The following HNRNPAB variants were observed in gnomAD, a reference collection of about 807,000 sequenced individuals.
HNRNPAB encodes the protein ABBP-1.
HNRNPAB carries 17 observed loss-of-function variants against 44.1 expected under a neutral mutation model. The observed-to-expected ratio is 0.39, with a 90% CI of 0.26 to 0.58. HNRNPAB has a LOEUF of 0.58. HNRNPAB is among the 20% of genes least tolerant of loss of function. The pLI is 0.63. For missense variants in HNRNPAB, 393 were observed against 432.7 expected, an observed-to-expected ratio of 0.91 and a Z score of 0.81; for synonymous variants, 183 against 167.6, an observed-to-expected ratio of 1.09 and a Z score of -0.71.
chr5:178,209,278 C>T, intron 5 of HNRNPAB, 52 bp from the exon 6 acceptor site: 2 of 1,407,764 alleles, frequency 1.4e-6, no homozygotes, highest in Non-Finnish European at 2.0e-6. Context: ...TTTGGGCAGT[C>T]ACTGCCCTGA....
chr5:178,205,049 A>G lies in HNRNPAB; in HGVS notation c.209+3A>G. ...AGCAAGAACGAGGAGGACGCGGGGTAGGTGCGGCCGCGGGCGGACGGGGGC... is the reference window on the plus strand; with the variant it reads ...AGCAAGAACGAGGAGGACGCGGGGTGGGTGCGGCCGCGGGCGGACGGGGGC... On this transcript the variant is annotated splice_donor_region_variant and intron_variant, in intron 2 of 7. Coordinates refer to ENST00000358344, the MANE Select transcript of HNRNPAB (RefSeq NM_031266.3). 8.3e-7 allele frequency: 1 copy of G among 1,203,600 alleles called. No individual in the cohort carries two copies. The highest frequency in any genetic ancestry group is 1.0e-6 in the Non-Finnish European group (1 of 969,864). 74.6% of individuals were successfully genotyped at this position (1,203,600 alleles called of 1,614,324 possible).
rs770979546 is a variant in HNRNPAB at position 178,209,458 on chromosome 5, C to T, written c.787+11C>T. Reference sequence around the variant, plus strand: ...GTGGTGGAGGTGGAGGTGAGTGGAACGTGGATGAAGATAGGTCCTGTTTCC... The same window carrying T: ...GTGGTGGAGGTGGAGGTGAGTGGAATGTGGATGAAGATAGGTCCTGTTTCC... On this transcript the variant is annotated intron_variant, in intron 6 of 7. Transcript: ENST00000358344. 2.4e-5 allele frequency: 39 copies of T among 1,609,112 alleles called. No individual in the cohort carries two copies. Among genetic ancestry groups the T allele is most frequent in the African/African-American group, 4.0e-5 (3 of 74,822 alleles).
chr5:178,208,381 A>C (rs1247032843), intron 5 of HNRNPAB: 1 of 152,210 alleles, frequency 6.6e-6, no homozygotes, highest in East Asian at 1.9e-4. Context: ...ACTCCAGTGG[A>C]CAGTGATAGA....
intron 7 of HNRNPAB, 101 bp from the exon 8 acceptor site, chr5:178,210,452 G>A: frequency 1.3e-6 from 2 of 1,485,704 alleles, no homozygotes; most frequent in Admixed American, 1.8e-5. Flanking sequence ...GGCAGTCTCT[G>A]CTGTCACGGC....
Position 178,205,788 on chromosome 5 carries a change from A to G in HNRNPAB, c.210-54A>G, listed in dbSNP as rs916090280. The G allele has an allele frequency of 4.4e-6, 7 of 1,574,908 alleles. No individual in the cohort carries two copies. The African/African-American group carries it at 8.1e-5, about 18-fold the overall frequency. ...CTTTGCCAGGGCCAGTCCTTTCCAAAATCACAGCTTGCTTACAAGACTTGT... is the reference window on the plus strand; with the variant it reads ...CTTTGCCAGGGCCAGTCCTTTCCAAGATCACAGCTTGCTTACAAGACTTGT... On this transcript the variant is annotated intron_variant, in intron 2 of 7. Transcript: ENST00000358344.
intron 3 of HNRNPAB, among the ~76,000 whole-genome samples, 169 bp from the exon 4 acceptor site, chr5:178,206,563 A>T (rs1162291537): frequency 6.6e-6 from 1 of 152,226 alleles, no homozygotes. Flanking sequence ...GAGGTAAACC[A>T]GCTGTACTTG....
In HNRNPAB at chr5:178,209,434, TGGTGGA is replaced by T; in HGVS notation, c.785_787+3del. ...GAGGGAACCGAGGCAGCGGAGGTGG[TGGTGGA>T]GGTGGAGGTGAGTGGAACGTGGATG... On this transcript the variant is annotated inframe_deletion, in exon 6 of 8. Transcript: ENST00000358344. 2.7e-5 allele frequency: 43 copies of T among 1,613,510 alleles called. No homozygotes were observed. The highest frequency in any genetic ancestry group is 1.7e-4 in the Middle Eastern group (1 of 6,060).
Position 178,206,806 on chromosome 5 carries a change from C to T in HNRNPAB, c.453C>T (p.Asp151=), listed in dbSNP as rs916460311. The change falls in exon 4 of 8, where the codon GAC becomes GAT. Residue 151 remains aspartate, a synonymous_variant. Coordinates refer to ENST00000358344, the MANE Select transcript of HNRNPAB (RefSeq NM_031266.3). ...AAAAGGCCATGGCTATGAAGAAGGA[C>T]CCGGTGAAGAAAATCTTCGTTGGGG... The part of the protein sequence containing the change: ...DPKKAMAMKK[D]PVKKIFVGGL... 1 of 1,614,112 alleles carries T rather than the reference C, an allele frequency of 6.2e-7. No homozygotes were observed. Among genetic ancestry groups the T allele is most frequent in the Non-Finnish European group, 8.5e-7 (1 of 1,180,020 alleles).
At position 178,206,681 on chromosome 5, in the gene HNRNPAB, C is replaced by G. The variant is rs951803522; in HGVS notation, c.379-51C>G. The G allele has an allele frequency of 1.9e-6, 3 of 1,579,894 alleles. No individual in the cohort carries two copies. In the African/African-American group the frequency reaches 4.0e-5, roughly 21 times the overall value. On this transcript the variant is annotated intron_variant, in intron 3 of 7. Coordinates refer to ENST00000358344, the MANE Select transcript of HNRNPAB (RefSeq NM_031266.3). ...GTCTTTATGGCTTAGAGAGAAGGGC[C>G]TTGTCTGGCTCGTGCTGCTGAGTCA...
rs114379982 is a variant in HNRNPAB, at chr5:178,209,040, C to T, written c.670-290C>T. On this transcript the variant is annotated intron_variant, in intron 5 of 7. Transcript: ENST00000358344. Reference sequence around the variant, plus strand: ...TGGTCCCAGCCTGTCCTCTGCTCCCCTGGGCTGCAGTTGGCCCAGTTGCCT... The same window carrying T: ...TGGTCCCAGCCTGTCCTCTGCTCCCTTGGGCTGCAGTTGGCCCAGTTGCCT... 489 of 372,288 alleles carry T rather than the reference C, an allele frequency of 1.3e-3. 1 individual carries two copies. The highest frequency in any genetic ancestry group is 9.4e-3 in the African/African-American group (455 of 48,482). 23.1% of individuals were successfully genotyped at this position (372,288 alleles called of 1,614,324 possible).
Position 178,209,549 on chromosome 5 carries a change from C to T in HNRNPAB, c.787+102C>T, listed in dbSNP as rs143842057. On this transcript the variant is annotated intron_variant, in intron 6 of 7. Coordinates refer to ENST00000358344, the MANE Select transcript of HNRNPAB (RefSeq NM_031266.3). Reference sequence around the variant, plus strand: ...TCTGGTGCTGTGCAGCAGGGGTGGGCAGATTGTGTGAGGTTGGGGACGAAC... The same window carrying T: ...TCTGGTGCTGTGCAGCAGGGGTGGGTAGATTGTGTGAGGTTGGGGACGAAC... 9.9e-5 allele frequency: 99 copies of T among 1,000,196 alleles called. 1 individual carries two copies. In the African/African-American group the frequency reaches 1.0e-3, roughly 10 times the overall value. The allele number at this position is 1,000,196 out of a possible 1,614,324, so 62.0% of individuals were successfully genotyped here.
intron 6 of HNRNPAB, 87 bp downstream of exon 6, chr5:178,209,534 T>A: frequency 5.2e-6 from 6 of 1,157,548 alleles, no homozygotes; most frequent in Non-Finnish European, 7.7e-6. Flanking sequence ...TCTGGTGCTG[T>A]GCAGCAGGGG....
intron 2 of HNRNPAB, 168 bp from the exon 3 acceptor site, chr5:178,205,674 T>C: frequency 3.1e-6 from 2 of 639,564 alleles, no homozygotes; most frequent in East Asian, 2.8e-5. Flanking sequence ...AGGGTCCTGG[T>C]TGAGTTCAAT....
chr5:178,205,074 C>T (rs1756986279), intron 2 of HNRNPAB, 28 bp downstream of exon 2: 1 of 1,197,268 alleles, frequency 8.4e-7, no homozygotes. Flanking sequence ...CGGACGGGGG[C>T]GCCGCCTTTG....
In HNRNPAB at chr5:178,204,842, C is replaced by A; in HGVS notation, c.5C>A (p.Ser2Ter). The A allele has an allele frequency of 1.6e-6, 2 of 1,219,102 alleles. No homozygotes were observed. Among genetic ancestry groups the A allele is most frequent in the Non-Finnish European group, 2.0e-6 (2 of 979,978 alleles). The allele number at this position is 1,219,102 out of a possible 1,614,324, so 75.5% of individuals were successfully genotyped here. The change falls in exon 2 of 8, where the codon TCG becomes TAG. Residue 2 changes from serine (S) to a stop codon, truncating the protein, a stop_gained. Transcript: ENST00000358344. LOFTEE classifies it high-confidence loss of function. M[S>*]EAGEEQPMET... is the part of the protein sequence containing the mutation. Reference sequence around the variant, plus strand: ...GCCGCCGCGCCTCGGCCTAGCATGTCGGAAGCGGGCGAGGAGCAGCCCATG... The same window carrying A: ...GCCGCCGCGCCTCGGCCTAGCATGTAGGAAGCGGGCGAGGAGCAGCCCATG...
Position 178,204,974 on chromosome 5 carries a change from C to G in HNRNPAB, c.137C>G (p.Ala46Gly). The G allele has an allele frequency of 8.3e-7, 1 of 1,209,462 alleles. No homozygotes were observed. The highest frequency in any genetic ancestry group is 1.6e-5 in the African/African-American group (1 of 63,354). The allele number at this position is 1,209,462 out of a possible 1,614,324, so 74.9% of individuals were successfully genotyped here. ...GCGGGGGCTGGAGGCGCGACCGCGGCGCCCCCGAGCGGGAATCAGAACGGC... is the reference window on the plus strand; with the variant it reads ...GCGGGGGCTGGAGGCGCGACCGCGGGGCCCCCGAGCGGGAATCAGAACGGC... Reference protein sequence around the residue: ...AAAGAGGATAAPPSGNQNGAE... With the variant: ...AAAGAGGATAGPPSGNQNGAE... The change falls in exon 2 of 8, where the codon GCG becomes GGG. Residue 46 changes from alanine to glycine, a missense_variant. Transcript: ENST00000358344.
chr5:178,210,942 T>C lies in HNRNPAB; in HGVS notation c.*319T>C, dbSNP rs1407949126. 5 of 359,904 alleles carry C rather than the reference T, an allele frequency of 1.4e-5. No homozygotes were observed. Among genetic ancestry groups the C allele is most frequent in the African/African-American group, 2.1e-5 (1 of 47,678 alleles). The allele number at this position is 359,904 out of a possible 1,614,324, so 22.3% of individuals were successfully genotyped here. On this transcript the variant is annotated 3_prime_UTR_variant, in exon 8 of 8. Transcript: ENST00000358344. ...ACCTGTGGACCCTGGTTGTAAAGAGTAAATTGTATCTTAGGAAACCAGTGT... is the reference window on the plus strand; with the variant it reads ...ACCTGTGGACCCTGGTTGTAAAGAGCAAATTGTATCTTAGGAAACCAGTGT...
In HNRNPAB at chr5:178,210,121, T is replaced by TCC. The variant is rs1554103711; in HGVS notation, c.788-6_788-5dup. On this transcript the variant is annotated splice_polypyrimidine_tract_variant and intron_variant, in intron 6 of 7. Transcript: ENST00000358344. ...TGGTCCACGGGCCCCTGTGCCCTGCTCCCCCCACAGGTCAGAGTCAGAGTT... is the reference window on the plus strand; with the variant it reads ...TGGTCCACGGGCCCCTGTGCCCTGCTCCCCCCCCACAGGTCAGAGTCAGAGTT... The TCC allele has an allele frequency of 1.9e-6, 3 of 1,613,640 alleles. No homozygotes were observed. Among genetic ancestry groups the TCC allele is most frequent in the Middle Eastern group, 3.3e-4 (2 of 6,054 alleles).
At chr5:178,206,302 C>T (rs1023604996) in intron 3 of HNRNPAB, among the ~76,000 whole-genome samples, 1 of 152,100 alleles carries the variant, frequency 6.6e-6, no homozygotes, top group Admixed American at 6.6e-5. Context: ...CAAGAGAGTC[C>T]ATGATTGGTA....
Sources: allele counts gnomAD v4.1 joint callset (sites outside exome capture counted in the v4.1 genomes callset), GRCh38; gene constraint gnomAD v4.1.1; transcripts MANE v1.5; gene names NCBI Gene and HGNC (gene_info 2026-07-23, HGNC 2026-07-21).